APC: variants seen among roughly 807,000 people sequenced by gnomAD.
APC encodes the protein adenomatous polyposis coli protein.
APC carries 72 observed loss-of-function variants against 247.0 expected under a neutral mutation model. The observed-to-expected ratio is 0.29, with a 90% CI of 0.24 to 0.35. The LOEUF is 0.35. Ranked by LOEUF, APC falls within the 10% of genes least tolerant of loss-of-function variation. APC has a pLI of 1.00. For synonymous variants in APC, 1,254 were observed against 1,162.5 expected, an observed-to-expected ratio of 1.08 and a Z score of -1.60; for missense variants, 3,400 against 3,360.7, an observed-to-expected ratio of 1.01 and a Z score of -0.29.
intron 3 of APC, among the ~76,000 whole-genome samples, chr5:112,766,827 T>C (rs925571818): frequency 2.0e-5 from 3 of 152,224 alleles, no homozygotes; most frequent in African/African-American, 7.2e-5. Flanking sequence ...ATAATTCATT[T>C]TTAGCAGTTT....
chr5:112,739,655 G>A lies in APC; in HGVS notation c.-19+1730G>A, dbSNP rs1356737549. On this transcript the variant is annotated intron_variant, in intron 1 of 15. Transcript: ENST00000257430. ...AAGCTGAGGCAGGAGGATCACTTGA[G>A]CCTTGGCGTTCAAGACCAGCCTGGG... Among the ~76,000 whole-genome samples the A allele has an allele frequency of 2.0e-5, 3 of 152,164 alleles. No individual in the cohort carries two copies. The East Asian group carries it at 5.8e-4, about 29-fold the overall frequency.
chr5:112,783,738 A>G (rs993526983), intron 6 of APC: 1 of 319,384 alleles, frequency 3.1e-6, no homozygotes, highest in African/African-American at 2.3e-5. Flanking sequence ...TCAAGGCTGC[A>G]GTGAGCTACA....
intron 8 of APC, among the ~76,000 whole-genome samples, chr5:112,802,421 T>C (rs577418342): frequency 6.6e-6 from 1 of 152,158 alleles, no homozygotes; most frequent in African/African-American, 2.4e-5. Context: ...GTTGCAACAT[T>C]TATATATTCC....
rs200881543 is a variant in APC at position 112,841,501 on chromosome 5, G to C, written c.5907G>C (p.Leu1969=). The part of the protein sequence containing the change: ...TPVCFSHNSS[L]SSLSDIDQEN... ...TTTGCTTTTCTCATAATTCCTCTCT[G>C]AGTTCTCTCAGTGACATTGACCAAG... Residue 1969 remains leucine (L), a synonymous_variant, in exon 16 of 16, where the codon CTG becomes CTC. Transcript: ENST00000257430. The surrounding 1 kb of genome is among the most constrained non-coding windows in gnomAD (Gnocchi z 4.6). 34 of 1,613,586 alleles carry C rather than the reference G, an allele frequency of 2.1e-5. No homozygotes were observed. The highest frequency in any genetic ancestry group is 2.8e-5 in the Non-Finnish European group (33 of 1,179,590).
At chr5:112,737,095 C>T (rs978407913), upstream of APC, among the ~76,000 whole-genome samples, 3 of 152,126 alleles carry the variant, frequency 2.0e-5, no homozygotes, top group Non-Finnish European at 4.4e-5. Context: ...GATTTAAATG[C>T]AATGTAGAAT....
intron 1 of APC, among the ~76,000 whole-genome samples, chr5:112,727,530 T>C (rs1362979110): frequency 6.6e-6 from 1 of 152,228 alleles, no homozygotes; most frequent in Admixed American, 6.5e-5. Flanking sequence ...ATTTTGTTTT[T>C]AACATCAGTA....
chr5:112,836,489 C>A (rs1764962554), intron 15 of APC, among the ~76,000 whole-genome samples: 1 of 152,022 alleles, frequency 6.6e-6, no homozygotes, highest in Non-Finnish European at 1.5e-5. Flanking sequence ...CATTATGTAC[C>A]CTTGCCATTC....
At chr5:112,714,088 A>G (rs760099826) in intron 1 of APC, among the ~76,000 whole-genome samples, 5 of 152,258 alleles carry the variant, frequency 3.3e-5, no homozygotes, top group Non-Finnish European at 7.3e-5. Context: ...ACATTTAAGC[A>G]TATCTGTTGG....
Position 112,842,829 on chromosome 5 carries a change from A to G in APC, c.7235A>G (p.Lys2412Arg), listed in dbSNP as rs869312785. 13 of 1,613,828 alleles carry G rather than the reference A, an allele frequency of 8.1e-6. No homozygotes were observed. Among genetic ancestry groups the G allele is most frequent in the South Asian group, 1.1e-5 (1 of 91,076 alleles). ...NQMNNGNGAN[K>R]KVELSRMSST... ...ATGAATAATGGTAATGGAGCCAATA[A>G]AAAGGTAGAACTTTCTAGAATGTCT... Residue 2412 changes from lysine (K) to arginine (R), a missense_variant, in exon 16 of 16, where the codon AAA becomes AGA. Transcript: ENST00000257430.
intron 5 of APC, among the ~76,000 whole-genome samples, chr5:112,780,306 T>G (rs551619531): frequency 6.6e-6 from 1 of 152,304 alleles, no homozygotes; most frequent in Admixed American, 6.5e-5. Flanking sequence ...CCTCATTTGA[T>G]TAATGAAAAA....
chr5:112,712,719 C>T (rs1207541372), intron 1 of APC, among the ~76,000 whole-genome samples: 4 of 152,238 alleles, frequency 2.6e-5, no homozygotes, highest in East Asian at 1.9e-4. Flanking sequence ...CCTCTTCCCC[C>T]GATTTCTCTT....
rs111866410 is a variant in APC at position 112,839,954 on chromosome 5, A to G, written c.4360A>G (p.Lys1454Glu). The stretch of plus-strand genomic sequence containing the variant: ...AGCTCAAACCAAGCGAGAAGTACCT[A>G]AAAATAAAGCACCTACTGCTGAAAA... ...QTAQTKREVPKNKAPTAEKRE... is the reference protein window; with the variant it reads ...QTAQTKREVPENKAPTAEKRE... Residue 1454 changes from lysine (K) to glutamate (E), a missense_variant, in exon 16 of 16, where the codon AAA (lysine) becomes GAA (glutamate). By Grantham distance (56) the Lys-to-Glu change is moderately conservative. Around this residue, in one of 9 missense-constraint regions of APC, gnomAD observed 1,788 missense variants for 1,649.5 expected, o/e 1.08. Transcript: ENST00000257430. The surrounding 1 kb of genome is among the most constrained non-coding windows in gnomAD (Gnocchi z 5.0). 4.7e-4 allele frequency: 765 copies of G among 1,614,122 alleles called. 9 individuals carry two copies. The African/African-American group carries it at 9.1e-3, about 19-fold the overall frequency.
chr5:112,841,352 C>G lies in APC; in HGVS notation c.5758C>G (p.Arg1920Gly), dbSNP rs587779800. ...TQAIAKQPIN[R>G]GQPKPILQKQ... is the part of the protein sequence containing the mutation. ...AGCTATTGCAAAGCAGCCAATAAAT[C>G]GAGGTCAGCCTAAACCCATACTTCA... The change falls in exon 16 of 16, where the codon CGA (arginine) becomes GGA (glycine). Residue 1920 changes from arginine to glycine, a missense_variant. By Grantham distance (125) the Arg-to-Gly change is moderately radical (BLOSUM62 -2). Around this residue, in one of 9 missense-constraint regions of APC, gnomAD observed 1,788 missense variants for 1,649.5 expected, o/e 1.08. Coordinates refer to ENST00000257430, the MANE Select transcript of APC (RefSeq NM_000038.6). The surrounding 1 kb of genome is among the most constrained non-coding windows in gnomAD (Gnocchi z 4.6). 1.6e-5 allele frequency: 26 copies of G among 1,613,694 alleles called. No homozygotes were observed. The highest frequency in any genetic ancestry group is 1.7e-5 in the Non-Finnish European group (20 of 1,179,686).
At chr5:112,782,403 T>C (rs563180236) in intron 6 of APC, among the ~76,000 whole-genome samples, 2 of 152,200 alleles carry the variant, frequency 1.3e-5, no homozygotes, top group South Asian at 4.2e-4. Context: ...ACATAATGTA[T>C]ATTCTATCTG....
At chr5:112,782,371 C>G (rs74393582) in intron 6 of APC, among the ~76,000 whole-genome samples, 1 of 152,102 alleles carries the variant, frequency 6.6e-6, no homozygotes, top group Non-Finnish European at 1.5e-5. Context: ...GGGACACAGC[C>G]AAACCATATC....
intron 6 of APC, among the ~76,000 whole-genome samples, chr5:112,785,693 C>A (rs765788184): frequency 2.0e-4 from 31 of 152,020 alleles, no homozygotes; most frequent in Non-Finnish European, 3.8e-4. Context: ...ATATTTACAA[C>A]CTTTATATGA....
At chr5:112,793,190 C>T (rs571389589) in intron 7 of APC, among the ~76,000 whole-genome samples, 1 of 152,256 alleles carries the variant, frequency 6.6e-6, no homozygotes, top group Non-Finnish European at 1.5e-5. Flanking sequence ...CCTTTCCAAT[C>T]CCAGCAAAAG....
intron 6 of APC, chr5:112,783,910 C>T (rs1346630394): frequency 8.2e-6 from 2 of 244,264 alleles, no homozygotes; most frequent in South Asian, 4.3e-5. Context: ...TGAAAAGATG[C>T]TTAAACATCA....
At chr5:112,825,395 G>A (rs999464374) in intron 11 of APC, among the ~76,000 whole-genome samples, 1 of 152,086 alleles carries the variant, frequency 6.6e-6, no homozygotes. Flanking sequence ...AATCTTTAAT[G>A]TGGCACATAA....
Sources: gnomAD v4.1 joint callset for allele counts (sites outside exome capture counted in the v4.1 genomes callset) on GRCh38, gnomAD v4.1.1 for gene constraint, gnomAD v4.1.1 regional missense constraint, Gnocchi (gnomAD v3.1) non-coding constraint, MANE v1.5 for transcripts, NCBI Gene and HGNC (gene_info 2026-07-23, HGNC 2026-07-21) for gene names.